TLN2: variants seen among roughly 807,000 people sequenced by gnomAD.
The protein encoded by TLN2 is talin 2.
A neutral mutation model predicts 294.7 loss-of-function variants in TLN2; 118 were observed. The observed-to-expected ratio is 0.40, with a 90% CI of 0.34 to 0.47. TLN2 has a LOEUF of 0.47. Among genes scored for constraint, TLN2 ranks in the 20% least tolerant of loss-of-function variants. The pLI is 0.84. For missense variants in TLN2, 3,083 were observed against 3,282.2 expected (o/e 0.94, Z 1.48); for synonymous variants, 1,431 against 1,304.5 (o/e 1.10, Z -2.09).
chr15:62,631,540 T>TCCTTTCCTTTCCTTG lies in TLN2; in HGVS notation c.-37+13072_-37+13073insTTTCCTTGCCTTTCC, dbSNP rs2049856878. Among the ~76,000 whole-genome samples the TCCTTTCCTTTCCTTG allele has an allele frequency of 3.4e-5, 2 of 59,522 alleles. 1 individual carries two copies. Among genetic ancestry groups the TCCTTTCCTTTCCTTG allele is most frequent in the African/African-American group, 1.8e-4 (2 of 11,120 alleles). 39.0% of individuals were successfully genotyped at this position (59,522 alleles called of 152,430 possible). A position where few individuals can be genotyped will look rare whatever the true frequency, so the allele number is the denominator to read the frequency against. ...TTTCTTCCTTTCCTTTCCTTTCCTT[T>TCCTTTCCTTTCCTTG]CCTTTCCATTCCTTTCCTTTCCTTT... On this transcript the variant is annotated intron_variant, in intron 3 of 58. Coordinates refer to ENST00000636159, the MANE Select transcript of TLN2 (RefSeq NM_015059.3).
intron 46 of TLN2, among the ~76,000 whole-genome samples, chr15:62,793,182 G>T (rs1294512274): frequency 6.6e-6 from 1 of 151,994 alleles, no homozygotes; most frequent in African/African-American, 2.4e-5. Flanking sequence ...GCTGCTGAGG[G>T]CTGAGGGCTG....
At chr15:62,495,776 ACTTGATCCCTTTT>A (rs1038160342) in intron 1 of TLN2, among the ~76,000 whole-genome samples, 3 of 152,096 alleles carry the variant, frequency 2.0e-5, no homozygotes, top group African/African-American at 7.2e-5. Flanking sequence ...GCCACATTCC[ACTTGATCCCTTTT>A]ATTAACGAAA....
chr15:62,500,578 G>T (rs1207556852), intron 1 of TLN2, among the ~76,000 whole-genome samples: 1 of 152,172 alleles, frequency 6.6e-6, no homozygotes, highest in African/African-American at 2.4e-5. Flanking sequence ...TTGGTGTCTA[G>T]ACAAAGCCAG....
chr15:62,701,526 C>A (rs946469747), intron 17 of TLN2, among the ~76,000 whole-genome samples: 5 of 152,172 alleles, frequency 3.3e-5, no homozygotes, highest in African/African-American at 1.2e-4. Context: ...CTTCTGGGCA[C>A]CTACAGTTGG....
intron 22 of TLN2, among the ~76,000 whole-genome samples, chr15:62,715,662 T>C (rs149686274): frequency 2.0e-5 from 3 of 152,334 alleles, no homozygotes; most frequent in Non-Finnish European, 4.4e-5. Context: ...ACTGGCATAT[T>C]GCCTTCCTCT....
At chr15:62,439,122 C>T (rs1002580066) in intron 1 of TLN2, among the ~76,000 whole-genome samples, 1 of 152,198 alleles carries the variant, frequency 6.6e-6, no homozygotes, top group African/African-American at 2.4e-5. Flanking sequence ...TGCCTGACCC[C>T]TGTGCCATTA....
At chr15:62,788,580 A>T (rs1166677749) in intron 45 of TLN2, among the ~76,000 whole-genome samples, 2 of 152,234 alleles carry the variant, frequency 1.3e-5, no homozygotes, top group African/African-American at 4.8e-5. Context: ...ACAGATAAGT[A>T]AACCCAGGCT....
intron 54 of TLN2, among the ~76,000 whole-genome samples, chr15:62,826,943 ACT>A (rs758847868): frequency 2.1e-4 from 32 of 152,130 alleles, no homozygotes; most frequent in Non-Finnish European, 2.9e-4. Flanking sequence ...ATTCTGCAAG[ACT>A]CTGAGTAACA....
At chr15:62,668,655 C>A (rs1482802735) in intron 9 of TLN2, among the ~76,000 whole-genome samples, 1 of 152,168 alleles carries the variant, frequency 6.6e-6, no homozygotes, top group Non-Finnish European at 1.5e-5. Flanking sequence ...ACGGATGAGA[C>A]GGCGTGTGTG....
intron 1 of TLN2, among the ~76,000 whole-genome samples, chr15:62,439,211 G>T (rs1483648167): frequency 6.6e-6 from 1 of 152,204 alleles, no homozygotes; most frequent in Non-Finnish European, 1.5e-5. Flanking sequence ...GGCAGCCACT[G>T]CCAATCGATT....
chr15:62,840,379 G>GTCCCACGGTC, intron 58 of TLN2, 103 bp from the exon 59 acceptor site: 1 of 1,503,466 alleles, frequency 6.7e-7, no homozygotes, highest in Non-Finnish European at 9.0e-7. Flanking sequence ...GTGCTGCAGT[G>GTCCCACGGTC]TCCCACGGTC....
chr15:62,596,832 T>C (rs2046568903), intron 2 of TLN2, among the ~76,000 whole-genome samples: 1 of 152,224 alleles, frequency 6.6e-6, no homozygotes. Flanking sequence ...GAAAAGCTTA[T>C]AGTGAAAAGC....
intron 3 of TLN2, chr15:62,640,095 G>C (rs1244413876): frequency 2.2e-5 from 10 of 451,556 alleles, no homozygotes; most frequent in South Asian, 1.6e-4. Context: ...TGGAGGGCAA[G>C]ACCCTGGCTT....
intron 7 of TLN2, 103 bp downstream of exon 7, chr15:62,653,417 TTTTTAAAACTCTA>T: frequency 1.5e-6 from 2 of 1,352,972 alleles, no homozygotes; most frequent in East Asian, 5.2e-5. Context: ...TTGATTTTTG[TTTTTAAAACTCTA>T]TTTTAAAAAA....
chr15:62,796,571 C>T (rs979022526), intron 47 of TLN2, among the ~76,000 whole-genome samples: 1 of 152,172 alleles, frequency 6.6e-6, no homozygotes, highest in Non-Finnish European at 1.5e-5. Flanking sequence ...GCCAGAGAGC[C>T]GTTCCTCAAA....
At chr15:62,610,372 A>G (rs1439433994) in intron 2 of TLN2, among the ~76,000 whole-genome samples, 1 of 152,232 alleles carries the variant, frequency 6.6e-6, no homozygotes, top group African/African-American at 2.4e-5. Context: ...CAGTCAGTAC[A>G]TAACCTTGTT....
intron 1 of TLN2, among the ~76,000 whole-genome samples, chr15:62,423,414 G>C (rs182689082): frequency 2.0e-5 from 3 of 152,128 alleles, no homozygotes; most frequent in African/African-American, 7.2e-5. Flanking sequence ...AAAGTCACTG[G>C]GGAGAAGGGT....
chr15:62,466,519 A>C (rs575967293), intron 1 of TLN2, among the ~76,000 whole-genome samples: 1 of 152,216 alleles, frequency 6.6e-6, no homozygotes, highest in Non-Finnish European at 1.5e-5. Flanking sequence ...GACATTGCCA[A>C]ATGTTCCCTG....
chr15:62,659,299 C>CA (rs1262009451), intron 9 of TLN2, among the ~76,000 whole-genome samples: 3 of 152,236 alleles, frequency 2.0e-5, no homozygotes, highest in Non-Finnish European at 2.9e-5. Flanking sequence ...TGACTTCTAA[C>CA]ACCGGGTTCT....
Sources: allele counts gnomAD v4.1 joint callset (sites outside exome capture counted in the v4.1 genomes callset), GRCh38; gene constraint gnomAD v4.1.1; transcripts MANE v1.5; gene names NCBI Gene and HGNC (gene_info 2026-07-23, HGNC 2026-07-21).